The following GRIN2B variants were observed in gnomAD, a reference collection of about 807,000 sequenced individuals.
GRIN2B encodes the protein glutamate receptor ionotropic, NMDA 2B.
GRIN2B carries 5 observed loss-of-function variants against 114.5 expected under a neutral mutation model. The observed-to-expected ratio is 0.04, with a 90% confidence interval of 0.02 to 0.09. The LOEUF is 0.09. Ranked by LOEUF, GRIN2B falls within the 10% of genes least tolerant of loss-of-function variation. The pLI is 1.00. For missense variants in GRIN2B, 1,108 were observed against 1,943.5 expected (o/e 0.57, Z 8.08); for synonymous variants, 787 against 745.1 (o/e 1.06, Z -0.92).
At chr12:13,830,352 T>C (rs1047272429) in intron 3 of GRIN2B, among the ~76,000 whole-genome samples, 7 of 152,262 alleles carry the variant, frequency 4.6e-5, no homozygotes, top group Non-Finnish European at 8.8e-5. Context: ...CTCATGCTTC[T>C]ACTTTGAGAA....
chr12:13,704,615 A>G (rs1456885867), intron 4 of GRIN2B, among the ~76,000 whole-genome samples: 2 of 152,070 alleles, frequency 1.3e-5, no homozygotes, highest in Non-Finnish European at 2.9e-5. Context: ...TCCTATTGGC[A>G]CCATCTCCAA....
At chr12:13,629,823 A>G (rs995207512) in intron 5 of GRIN2B, among the ~76,000 whole-genome samples, 2 of 152,132 alleles carry the variant, frequency 1.3e-5, no homozygotes, top group South Asian at 4.2e-4. Context: ...AAAATCCTCT[A>G]TTTTAAACCC....
chr12:13,777,528 G>A (rs1358815339), intron 3 of GRIN2B, among the ~76,000 whole-genome samples: 1 of 152,188 alleles, frequency 6.6e-6, no homozygotes, highest in Non-Finnish European at 1.5e-5. Flanking sequence ...TTCAGAATAA[G>A]GACCTGGGAG....
intron 2 of GRIN2B, among the ~76,000 whole-genome samples, chr12:13,875,495 C>T (rs1269201215): frequency 6.6e-6 from 1 of 152,030 alleles, no homozygotes; most frequent in Non-Finnish European, 1.5e-5. Context: ...CCACTGCACT[C>T]CAGCCTGGTG....
At chr12:13,773,393 C>T (rs1863943126) in intron 3 of GRIN2B, among the ~76,000 whole-genome samples, 1 of 152,200 alleles carries the variant, frequency 6.6e-6, no homozygotes, top group Admixed American at 6.5e-5. Flanking sequence ...CTGTCAAATA[C>T]ACATGAGGTG....
In GRIN2B at chr12:13,615,487, A is replaced by C; in HGVS notation, c.1500+6T>G. ...GGAAATGGAAACAGCCCTTGTGGACACTCACCTCTCCAATCATACCATTCC... is the reference window on the plus strand; with the variant it reads ...GGAAATGGAAACAGCCCTTGTGGACCCTCACCTCTCCAATCATACCATTCC... On this transcript the variant is annotated splice_donor_region_variant and intron_variant, in intron 7 of 13. Transcript: ENST00000609686. This position sits in a 1 kb window ranked among gnomAD's most constrained non-coding sequence, Gnocchi z 5.8. The C allele has an allele frequency of 6.2e-7, 1 of 1,610,608 alleles. No individual in the cohort carries two copies. Among genetic ancestry groups the C allele is most frequent in the Non-Finnish European group, 8.5e-7 (1 of 1,176,868 alleles).
At chr12:13,588,403 T>C (rs1805491) in intron 10 of GRIN2B, among the ~76,000 whole-genome samples, 2 of 152,042 alleles carry the variant, frequency 1.3e-5, no homozygotes, top group African/African-American at 2.4e-5. Flanking sequence ...TTTTCTTTAA[T>C]AACTTAAGTG....
intron 2 of GRIN2B, among the ~76,000 whole-genome samples, chr12:13,888,184 C>T (rs1173928944): frequency 1.3e-5 from 2 of 152,056 alleles, no homozygotes; most frequent in African/African-American, 2.4e-5. Flanking sequence ...AACGGGGACA[C>T]GCCCTGAGAA....
At chr12:13,956,124 C>T (rs1028622637) in intron 2 of GRIN2B, among the ~76,000 whole-genome samples, 1 of 152,118 alleles carries the variant, frequency 6.6e-6, no homozygotes, top group Non-Finnish European at 1.5e-5. Context: ...ATATGTCTGA[C>T]CAAAGGCAGG....
At chr12:13,850,341 A>T (rs930769590) in intron 3 of GRIN2B, among the ~76,000 whole-genome samples, 1 of 152,066 alleles carries the variant, frequency 6.6e-6, no homozygotes, top group East Asian at 1.9e-4. Context: ...AAATTCCCCC[A>T]ATCCCCAGGG....
chr12:13,779,082 T>A (rs1273438285), intron 3 of GRIN2B, among the ~76,000 whole-genome samples: 1 of 152,238 alleles, frequency 6.6e-6, no homozygotes, highest in African/African-American at 2.4e-5. Context: ...TGAGTCTTGT[T>A]CTGTCACCCA....
chr12:13,962,265 T>A (rs1867708495), intron 2 of GRIN2B, among the ~76,000 whole-genome samples: 2 of 152,122 alleles, frequency 1.3e-5, no homozygotes, highest in South Asian at 4.1e-4. Context: ...CACGCTCTTC[T>A]TGTCTCCACA....
At chr12:13,943,788 G>A (rs560909286) in intron 2 of GRIN2B, among the ~76,000 whole-genome samples, 1 of 152,156 alleles carries the variant, frequency 6.6e-6, no homozygotes, top group African/African-American at 2.4e-5. Flanking sequence ...TCACTGTCTA[G>A]CCCCTCACCT....
intron 2 of GRIN2B, among the ~76,000 whole-genome samples, chr12:13,941,051 G>A (rs1334622619): frequency 2.2e-5 from 3 of 136,676 alleles, no homozygotes; most frequent in African/African-American, 8.5e-5. Flanking sequence ...CCCAGGGAAA[G>A]CAGACACACA....
Position 13,590,763 on chromosome 12 carries a change from C to T in GRIN2B, c.2010+17840G>A, listed in dbSNP as rs181448421. Reference sequence around the variant, plus strand: ...ATTTATAATCCTTTGGGCATATACCCGGCAATGGAATTGCTGGGGAAAGAC... The same window carrying T: ...ATTTATAATCCTTTGGGCATATACCTGGCAATGGAATTGCTGGGGAAAGAC... On this transcript the variant is annotated intron_variant, in intron 10 of 13. Coordinates refer to ENST00000609686, the MANE Select transcript of GRIN2B (RefSeq NM_000834.5). Among the ~76,000 whole-genome samples the T allele has an allele frequency of 5.9e-3, 895 of 152,258 alleles. 3 individuals carry two copies. Among genetic ancestry groups the T allele is most frequent in the Middle Eastern group, 0.01 (3 of 294 alleles).
chr12:13,628,599 A>G (rs1418798329), intron 5 of GRIN2B, among the ~76,000 whole-genome samples: 2 of 152,214 alleles, frequency 1.3e-5, no homozygotes, highest in Non-Finnish European at 2.9e-5. Flanking sequence ...AACAAGCAAA[A>G]TTGGTTCTCA....
chr12:13,695,019 G>A (rs929185492), intron 4 of GRIN2B, among the ~76,000 whole-genome samples: 4 of 152,078 alleles, frequency 2.6e-5, no homozygotes, highest in South Asian at 2.1e-4. Flanking sequence ...AGGATTTAAA[G>A]TGGTGTCAAT....
intron 2 of GRIN2B, among the ~76,000 whole-genome samples, chr12:13,938,591 G>T (rs886900854): frequency 6.6e-6 from 1 of 152,124 alleles, no homozygotes; most frequent in Non-Finnish European, 1.5e-5. Flanking sequence ...AATAAAATAG[G>T]CAAATCTCAG....
chr12:13,752,978 G>T (rs1010013489), intron 4 of GRIN2B, among the ~76,000 whole-genome samples: 4 of 152,090 alleles, frequency 2.6e-5, no homozygotes, highest in Admixed American at 1.3e-4. Flanking sequence ...ACATGACATT[G>T]TATAATTTAC....
Sources: gnomAD v4.1 joint callset for allele counts (sites outside exome capture counted in the v4.1 genomes callset) on GRCh38, gnomAD v4.1.1 for gene constraint, Gnocchi (gnomAD v3.1) non-coding constraint, MANE v1.5 for transcripts, NCBI Gene and HGNC (gene_info 2026-07-23, HGNC 2026-07-21) for gene names.